OPRM1: variants seen among roughly 807,000 people sequenced by gnomAD.
The protein encoded by OPRM1 is opioid receptor mu 1.
A neutral mutation model predicts 31.8 loss-of-function variants in OPRM1; 27 were observed. The ratio of observed to expected loss-of-function variants is 0.85; its 90% CI spans 0.63 to 1.17. OPRM1 has a LOEUF of 1.17. Among genes scored for constraint, OPRM1 ranks in the 50% most tolerant of loss-of-function variants. The pLI is 0.00. For synonymous variants in OPRM1, 196 were observed against 189.9 expected (o/e 1.03, Z -0.26); for missense variants, 536 against 511.1 (o/e 1.05, Z -0.47).
intron 1 of OPRM1, among the ~76,000 whole-genome samples, chr6:154,069,890 T>C (rs1194920223): frequency 6.6e-6 from 1 of 152,200 alleles, no homozygotes; most frequent in African/African-American, 2.4e-5. Flanking sequence ...ATTTTCCTTG[T>C]ATATGCAGTT....
In OPRM1 at chr6:154,246,528, C is replaced by T. The variant is rs1385934385; in HGVS notation, c.1165-165C>T. The T allele has an allele frequency of 2.0e-6, 3 of 1,515,916 alleles. No individual in the cohort carries two copies. The Admixed American group carries it at 6.0e-5, about 30-fold the overall frequency. The allele number at this position is 1,515,916 out of a possible 1,614,324, so 93.9% of individuals were successfully genotyped here. A position where few individuals can be genotyped will look rare whatever the true frequency, so the allele number is the denominator to read the frequency against. Reference sequence around the variant, plus strand: ...AAATGAACTTTCCCATAGGGATCACCTGATGCCTTTAACGTATCCCTCATT... The same window carrying T: ...AAATGAACTTTCCCATAGGGATCACTTGATGCCTTTAACGTATCCCTCATT... On this transcript the variant is annotated intron_variant, in intron 3 of 3. Transcript: ENST00000337049.
intron 3 of OPRM1, among the ~76,000 whole-genome samples, chr6:154,115,044 C>T (rs1262782874): frequency 1.3e-5 from 2 of 152,188 alleles, no homozygotes; most frequent in East Asian, 3.8e-4. Context: ...ACCAATTACA[C>T]ATTCAGCCCT....
rs765024955 is a variant in OPRM1, at chr6:154,128,087, T to C, written c.*9366T>C. ...TTCAAATAACAGAGTATTTCCAGGA[T>C]TTATAAATTCAGTATTACAAATAGT... is the stretch of plus-strand genomic sequence containing the variant. On this transcript the variant is annotated 3_prime_UTR_variant, in exon 4 of 4. Transcript: ENST00000330432. Among the ~76,000 whole-genome samples the C allele has an allele frequency of 5.3e-5, 8 of 152,218 alleles. No homozygotes were observed. Among genetic ancestry groups the C allele is most frequent in the Non-Finnish European group, 8.8e-5 (6 of 68,040 alleles).
At chr6:154,052,540 C>T (rs1028196941) in intron 1 of OPRM1, among the ~76,000 whole-genome samples, 1 of 152,122 alleles carries the variant, frequency 6.6e-6, no homozygotes, top group African/African-American at 2.4e-5. Context: ...TGCCTCAAAA[C>T]ATTATTTTTC....
chr6:154,011,191 AT>A (rs1231686639), intron 1 of OPRM1, among the ~76,000 whole-genome samples: 2 of 152,106 alleles, frequency 1.3e-5, no homozygotes, highest in Non-Finnish European at 2.9e-5. Context: ...GTAGTTAACA[AT>A]TTTGTGGGTT....
At chr6:154,226,613 C>A (rs918120345) in intron 3 of OPRM1, among the ~76,000 whole-genome samples, 2 of 152,066 alleles carry the variant, frequency 1.3e-5, no homozygotes, top group Non-Finnish European at 2.9e-5. Flanking sequence ...GTTGAATTAC[C>A]GCAAAAGTCT....
chr6:154,190,398 G>A (rs1348080696), intron 3 of OPRM1, among the ~76,000 whole-genome samples: 1 of 152,078 alleles, frequency 6.6e-6, no homozygotes, highest in Admixed American at 6.6e-5. Flanking sequence ...TAGCAAAAAA[G>A]CGTATGAAAA....
At chr6:154,246,786 A>T (rs935600612) in exon 4 of OPRM1, 5 of 1,611,952 alleles carry the variant, frequency 3.1e-6, no homozygotes, top group Non-Finnish European at 4.2e-6. Context: ...GAAGAGGTAG[A>T]TAATGTATTA....
intron 3 of OPRM1, chr6:154,159,007 T>C (rs962922600): frequency 1.3e-5 from 2 of 152,184 alleles, no homozygotes; most frequent in African/African-American, 2.4e-5. Flanking sequence ...ATTCACACTA[T>C]GTATAGGGAT....
chr6:154,085,888 C>CTTTTTTTTTTTTTTTTTTTTTTT (rs779654564), intron 1 of OPRM1, among the ~76,000 whole-genome samples: 1 of 123,974 alleles, frequency 8.1e-6, no homozygotes, highest in Non-Finnish European at 1.6e-5. Flanking sequence ...AAAGCTTGCC[C>CTTTTTTTTTTTTTTTTTTTTTTT]TTTTTTTTTT....
At chr6:154,075,647 T>C (rs995880734) in intron 1 of OPRM1, among the ~76,000 whole-genome samples, 16 of 152,150 alleles carry the variant, frequency 1.1e-4, no homozygotes, top group African/African-American at 3.6e-4. Flanking sequence ...AAATGGGGTT[T>C]CACCATTTGG....
At chr6:154,209,273 AT>A (rs1224027404) in intron 3 of OPRM1, among the ~76,000 whole-genome samples, 1 of 152,222 alleles carries the variant, frequency 6.6e-6, no homozygotes, top group Non-Finnish European at 1.5e-5. Flanking sequence ...GGGGAAAAAA[AT>A]ATTTTTGCCC....
At chr6:154,189,575 T>C (rs1801683834) in intron 3 of OPRM1, among the ~76,000 whole-genome samples, 1 of 152,210 alleles carries the variant, frequency 6.6e-6, no homozygotes, top group African/African-American at 2.4e-5. Flanking sequence ...AGATTTTGAA[T>C]GTTGTTACCA....
chr6:154,047,945 C>T (rs1480176378), intron 1 of OPRM1, among the ~76,000 whole-genome samples: 1 of 152,076 alleles, frequency 6.6e-6, no homozygotes, highest in Non-Finnish European at 1.5e-5. Context: ...CTAACTTCTC[C>T]CCATTTCTCC....
At chr6:154,013,186 T>C (rs1040076489) in intron 1 of OPRM1, among the ~76,000 whole-genome samples, 6 of 152,290 alleles carry the variant, frequency 3.9e-5, no homozygotes, top group Non-Finnish European at 5.9e-5. Context: ...GCTTTTTAAA[T>C]GTATCCAATA....
chr6:154,107,635 C>G (rs1234843808), intron 3 of OPRM1: 1 of 718,398 alleles, frequency 1.4e-6, no homozygotes, highest in South Asian at 1.5e-5. Context: ...TGACATGAAC[C>G]CTAAAATTCC....
At chr6:154,221,428 T>C (rs1722780335) in intron 3 of OPRM1, 3 of 865,838 alleles carry the variant, frequency 3.5e-6, no homozygotes, top group Non-Finnish European at 5.5e-6. Flanking sequence ...TAAACTTGTC[T>C]GCTTTCTTTG....
intron 1 of OPRM1, among the ~76,000 whole-genome samples, chr6:154,020,225 C>A (rs1778282598): frequency 6.6e-6 from 1 of 152,132 alleles, no homozygotes; most frequent in Non-Finnish European, 1.5e-5. Context: ...TACCAAGGAA[C>A]ATGATTATGG....
chr6:154,019,182 C>CTT (rs34786795), intron 1 of OPRM1, among the ~76,000 whole-genome samples: 8,303 of 126,800 alleles, frequency 0.065, 354 homozygotes, highest in East Asian at 0.098. Flanking sequence ...CCCTGTTGTG[C>CTT]TTTTTTTTTT....
Sources: gnomAD v4.1 joint callset for allele counts (sites outside exome capture counted in the v4.1 genomes callset) on GRCh38, gnomAD v4.1.1 for gene constraint, MANE v1.5 for transcripts, NCBI Gene and HGNC (gene_info 2026-07-23, HGNC 2026-07-21) for gene names.